NEGR1: variants seen among roughly 807,000 people sequenced by gnomAD.
The protein encoded by NEGR1 is neuronal growth regulator 1, also known as IgLON family member 4.
A neutral mutation model predicts 40.9 loss-of-function variants in NEGR1; 10 were observed. The ratio of observed to expected loss-of-function variants is 0.24; its 90% CI spans 0.15 to 0.42. The LOEUF (loss-of-function observed/expected upper bound fraction) is 0.42, where lower values mean the gene tolerates loss of function less well. Among genes scored for constraint, NEGR1 ranks in the 10% least tolerant of loss-of-function variants. The pLI is 1.00. For missense variants in NEGR1, 352 were observed against 438.9 expected, an observed-to-expected ratio of 0.80 and a Z score of 1.77; for synonymous variants, 185 against 166.8, an observed-to-expected ratio of 1.11 and a Z score of -0.84.
intron 3 of NEGR1, among the ~76,000 whole-genome samples, chr1:71,706,211 C>G (rs1378375851): frequency 6.6e-6 from 1 of 152,170 alleles, no homozygotes. Context: ...GCATTAAACT[C>G]AGTGCTGTCT....
intron 1 of NEGR1, among the ~76,000 whole-genome samples, chr1:72,038,930 T>C (rs908904386): frequency 6.6e-6 from 1 of 152,004 alleles, no homozygotes; most frequent in Non-Finnish European, 1.5e-5. Context: ...CAGATTGTGA[T>C]AAATTATCTA....
rs117995785 is a variant in NEGR1 at position 72,069,336 on chromosome 1, G to A, written c.177-134025C>T. Among the ~76,000 whole-genome samples, 108 of 152,100 alleles carry A rather than the reference G, an allele frequency of 7.1e-4. No homozygotes were observed. The East Asian group carries it at 0.02, about 28-fold the overall frequency. ...GCACACTCCTGTGGTCCCAGCTACT[G>A]TGGAGGCTGAGGTGGGAGGATCACC... On this transcript the variant is annotated intron_variant, in intron 1 of 6. Coordinates refer to ENST00000357731, the MANE Select transcript of NEGR1 (RefSeq NM_173808.3).
At chr1:72,006,692 AC>A (rs1557480175) in intron 1 of NEGR1, among the ~76,000 whole-genome samples, 1 of 151,984 alleles carries the variant, frequency 6.6e-6, no homozygotes, top group South Asian at 2.1e-4. Context: ...AAATAAGAAT[AC>A]CAGCAAACTA....
At chr1:71,436,192 G>A (rs1386713509) in intron 6 of NEGR1, among the ~76,000 whole-genome samples, 2 of 150,946 alleles carry the variant, frequency 1.3e-5, no homozygotes, top group African/African-American at 4.9e-5. Flanking sequence ...TACAACAGAG[G>A]CAATCAAGGA....
intron 6 of NEGR1, among the ~76,000 whole-genome samples, chr1:71,497,530 A>G (rs910071366): frequency 1.3e-5 from 2 of 152,114 alleles, no homozygotes; most frequent in African/African-American, 4.8e-5. Flanking sequence ...TGAATAAAGT[A>G]TTTCCAAGAA....
intron 1 of NEGR1, among the ~76,000 whole-genome samples, chr1:72,217,185 C>T (rs151125675): frequency 1.1e-4 from 17 of 151,608 alleles, no homozygotes; most frequent in African/African-American, 3.9e-4. Context: ...TTATAGTAAG[C>T]GTATGGCAAA....
intron 5 of NEGR1, among the ~76,000 whole-genome samples, chr1:71,605,275 G>A (rs1411302945): frequency 6.6e-6 from 1 of 152,090 alleles, no homozygotes; most frequent in East Asian, 1.9e-4. Flanking sequence ...ATTGTGAAAT[G>A]ACTAAGTCAA....
At chr1:71,482,410 A>G (rs1302224858) in intron 6 of NEGR1, among the ~76,000 whole-genome samples, 1 of 151,838 alleles carries the variant, frequency 6.6e-6, no homozygotes, top group Non-Finnish European at 1.5e-5. Flanking sequence ...GTGGTGGAAA[A>G]TAGTGAAGAA....
rs530110155 is a variant in NEGR1 at position 71,775,718 on chromosome 1, G to A, written c.535+454C>T. Among the ~76,000 whole-genome samples, 37 of 151,914 alleles carry A rather than the reference G, an allele frequency of 2.4e-4. No individual in the cohort carries two copies. The East Asian group carries it at 6.1e-3, about 25-fold the overall frequency. ...ATAAAAATATGCATTTTGGCCAGGC[G>A]CGATGGCTCATGCCTGTAATCCCAG... On this transcript the variant is annotated intron_variant, in intron 3 of 6. Coordinates refer to ENST00000357731, the MANE Select transcript of NEGR1 (RefSeq NM_173808.3).
chr1:71,694,443 A>G (rs1653405170), intron 4 of NEGR1, among the ~76,000 whole-genome samples: 1 of 151,756 alleles, frequency 6.6e-6, no homozygotes, highest in Non-Finnish European at 1.5e-5. Flanking sequence ...CCATTGCATT[A>G]ATGCTTAAAA....
At chr1:72,193,810 T>C (rs1652907294) in intron 1 of NEGR1, among the ~76,000 whole-genome samples, 1 of 151,690 alleles carries the variant, frequency 6.6e-6, no homozygotes, top group Non-Finnish European at 1.5e-5. Context: ...TATTAAGGTG[T>C]ATCCCAGATC....
rs111410977 is a variant in NEGR1, at chr1:72,233,233, G to A, written c.176+49086C>T. On this transcript the variant is annotated intron_variant, in intron 1 of 6. Coordinates refer to ENST00000357731, the MANE Select transcript of NEGR1 (RefSeq NM_173808.3). ...TAAAAGCTAAGACAGTCTTGAGTAG[G>A]GAGTAGCAATCCACTATGGCTGCCC... Among the ~76,000 whole-genome samples the A allele has an allele frequency of 2.7e-3, 411 of 152,200 alleles. 6 individuals carry two copies. Among genetic ancestry groups the A allele is most frequent in the African/African-American group, 9.2e-3 (383 of 41,542 alleles).
chr1:71,951,218 C>T (rs1163899595), intron 1 of NEGR1, among the ~76,000 whole-genome samples: 1 of 151,880 alleles, frequency 6.6e-6, no homozygotes, highest in Non-Finnish European at 1.5e-5. Flanking sequence ...TTTAGCCAAA[C>T]ACCAAATTCT....
chr1:72,111,085 T>TAC (rs72146902), intron 1 of NEGR1, among the ~76,000 whole-genome samples: 80 of 128,508 alleles, frequency 6.2e-4, no homozygotes, highest in Middle Eastern at 3.8e-3. Flanking sequence ...TATATATATA[T>TAC]ACACACACAC....
chr1:71,508,415 A>T (rs1425038722), intron 6 of NEGR1, among the ~76,000 whole-genome samples: 2 of 152,326 alleles, frequency 1.3e-5, no homozygotes, highest in East Asian at 3.9e-4. Flanking sequence ...CAAAGAAAAC[A>T]TGGGCTGGCC....
chr1:72,221,060 A>C (rs538757189), intron 1 of NEGR1, among the ~76,000 whole-genome samples: 9 of 152,220 alleles, frequency 5.9e-5, no homozygotes, highest in African/African-American at 2.2e-4. Context: ...TAAAGATGTC[A>C]GCATGGTTGG....
At chr1:71,592,310 T>G (rs574699375) in intron 6 of NEGR1, among the ~76,000 whole-genome samples, 119 of 152,246 alleles carry the variant, frequency 7.8e-4, no homozygotes, top group African/African-American at 2.6e-3. Flanking sequence ...TAAAATACAA[T>G]TTTGAGTAAA....
At chr1:72,045,186 G>T (rs776870599) in intron 1 of NEGR1, among the ~76,000 whole-genome samples, 4 of 151,814 alleles carry the variant, frequency 2.6e-5, no homozygotes, top group Non-Finnish European at 5.9e-5. Context: ...GCTACTCGAA[G>T]TTTCTTCAGT....
At chr1:71,987,922 T>C (rs1345650227) in intron 1 of NEGR1, among the ~76,000 whole-genome samples, 1 of 151,532 alleles carries the variant, frequency 6.6e-6, no homozygotes, top group Non-Finnish European at 1.5e-5. Context: ...GAGCCCTTCA[T>C]TCAAAAAGGA....
Sources: gnomAD v4.1 joint callset for allele counts (sites outside exome capture counted in the v4.1 genomes callset) on GRCh38, gnomAD v4.1.1 for gene constraint, MANE v1.5 for transcripts, NCBI Gene and HGNC (gene_info 2026-07-23, HGNC 2026-07-21) for gene names.